PRKG1: variants seen among roughly 807,000 people sequenced by gnomAD.
PRKG1 encodes the protein protein kinase cGMP-dependent 1.
PRKG1 carries 35 observed loss-of-function variants against 88.1 expected under a neutral mutation model. The observed-to-expected ratio is 0.40, with a 90% confidence interval of 0.30 to 0.53. The LOEUF (loss-of-function observed/expected upper bound fraction) is 0.53, where lower values mean the gene tolerates loss of function less well. Ranked by LOEUF, PRKG1 falls within the 20% of genes least tolerant of loss-of-function variation. PRKG1 has a pLI of 0.59. For synonymous variants in PRKG1, 303 were observed against 292.5 expected (o/e 1.04, Z -0.37); for missense variants, 540 against 839.8 (o/e 0.64, Z 4.41).
chr10:51,193,333 A>G (rs1837678094), intron 2 of PRKG1, among the ~76,000 whole-genome samples: 2 of 152,042 alleles, frequency 1.3e-5, no homozygotes, highest in South Asian at 4.2e-4. Flanking sequence ...GTCCCACCCT[A>G]TATACACTGA....
Position 51,477,464 on chromosome 10 carries a change from A to G in PRKG1, c.592+9628A>G, listed in dbSNP as rs138615961. Among the ~76,000 whole-genome samples, 585 of 151,968 alleles carry G rather than the reference A, an allele frequency of 3.8e-3. 9 individuals are homozygous for G. The highest frequency in any genetic ancestry group is 0.013 in the African/African-American group (557 of 41,486). On this transcript the variant is annotated intron_variant, in intron 3 of 17. Coordinates refer to ENST00000373980, the MANE Select transcript of PRKG1 (RefSeq NM_006258.4). ...GTTCCGAGCATTTGTGTCCAGAAGC[A>G]TATTGCTTGGGTTCTCATCCTTTGC...
intron 9 of PRKG1, among the ~76,000 whole-genome samples, chr10:52,209,637 T>C (rs568728502): frequency 1.7e-4 from 26 of 152,316 alleles, no homozygotes; most frequent in African/African-American, 6.0e-4. Flanking sequence ...CATAATCTCA[T>C]GAGGCTCACA....
chr10:51,096,892 A>G (rs765456499), intron 1 of PRKG1, among the ~76,000 whole-genome samples: 3 of 152,194 alleles, frequency 2.0e-5, no homozygotes, highest in African/African-American at 4.8e-5. Flanking sequence ...AAGAGGGTAG[A>G]TGCCAGGGAT....
At chr10:51,886,897 C>A (rs1210449887) in intron 4 of PRKG1, among the ~76,000 whole-genome samples, 2 of 152,190 alleles carry the variant, frequency 1.3e-5, no homozygotes, top group African/African-American at 4.8e-5. Context: ...TGCAAGCTCA[C>A]ATCTCTCAGT....
At chr10:52,263,719 C>T (rs544309298) in intron 10 of PRKG1, among the ~76,000 whole-genome samples, 1 of 151,924 alleles carries the variant, frequency 6.6e-6, no homozygotes, top group African/African-American at 2.4e-5. Context: ...GGACTAGAGG[C>T]ATCCACCACC....
intron 3 of PRKG1, among the ~76,000 whole-genome samples, chr10:51,728,842 T>C (rs1266352181): frequency 6.6e-6 from 1 of 152,204 alleles, no homozygotes; most frequent in Non-Finnish European, 1.5e-5. Flanking sequence ...CAAGTCAACA[T>C]GCAGGCAAAG....
At chr10:51,514,525 A>G (rs1841520323) in intron 3 of PRKG1, among the ~76,000 whole-genome samples, 1 of 152,210 alleles carries the variant, frequency 6.6e-6, no homozygotes, top group South Asian at 2.1e-4. Context: ...GTTTATTCCA[A>G]ACTTAAAGGC....
intron 3 of PRKG1, among the ~76,000 whole-genome samples, chr10:51,493,159 C>T (rs556236260): frequency 3.9e-5 from 6 of 152,038 alleles, no homozygotes; most frequent in Non-Finnish European, 8.8e-5. Flanking sequence ...TTACCACTCC[C>T]CTTGAATATT....
rs73336239 is a variant in PRKG1 at position 51,471,421 on chromosome 10, G to A, written c.592+3585G>A. Among the ~76,000 whole-genome samples, 830 of 151,940 alleles carry A rather than the reference G, an allele frequency of 5.5e-3. 7 individuals carry two copies. Among genetic ancestry groups the A allele is most frequent in the African/African-American group, 0.019 (792 of 41,492 alleles). ...GGCAAGAATGTCTCACATGTTGTTT[G>A]AATACCCCTTACTTACTCAGTTCCC... On this transcript the variant is annotated intron_variant, in intron 3 of 17. Transcript: ENST00000373980.
At chr10:52,263,099 G>T (rs1040649914) in intron 10 of PRKG1, among the ~76,000 whole-genome samples, 1 of 151,968 alleles carries the variant, frequency 6.6e-6, no homozygotes, top group Non-Finnish European at 1.5e-5. Flanking sequence ...ATTTATTCAT[G>T]ATCCTAATTT....
At chr10:51,897,267 C>A (rs1841875014) in intron 4 of PRKG1, among the ~76,000 whole-genome samples, 1 of 152,042 alleles carries the variant, frequency 6.6e-6, no homozygotes, top group African/African-American at 2.4e-5. Context: ...TGCTTTTATT[C>A]TTTTATTCTG....
chr10:51,757,340 G>A (rs915475322), intron 3 of PRKG1, among the ~76,000 whole-genome samples: 1 of 152,124 alleles, frequency 6.6e-6, no homozygotes, highest in Non-Finnish European at 1.5e-5. Flanking sequence ...CTGACCTCAA[G>A]TGATCAGCCT....
intron 7 of PRKG1, among the ~76,000 whole-genome samples, chr10:52,110,500 GA>G (rs151098158): frequency 0.019 from 2,827 of 152,064 alleles, 57 homozygotes; most frequent in Middle Eastern, 0.061. Context: ...AGTACCCTCA[GA>G]AAAATATTGA....
At chr10:51,638,441 A>G (rs1262328811) in intron 3 of PRKG1, among the ~76,000 whole-genome samples, 1 of 152,210 alleles carries the variant, frequency 6.6e-6, no homozygotes, top group Admixed American at 6.5e-5. Context: ...ACAAGGAAAG[A>G]TATATTATAA....
intron 2 of PRKG1, among the ~76,000 whole-genome samples, chr10:51,218,507 A>G (rs1838431748): frequency 8.7e-6 from 1 of 115,400 alleles, no homozygotes; most frequent in South Asian, 2.8e-4. Context: ...ATATATATAT[A>G]TATATATATA....
intron 7 of PRKG1, among the ~76,000 whole-genome samples, chr10:52,132,696 A>G (rs1564483011): frequency 1.3e-5 from 2 of 152,116 alleles, no homozygotes; most frequent in African/African-American, 4.8e-5. Context: ...TATTTCAAAC[A>G]TATTAATTAT....
intron 4 of PRKG1, among the ~76,000 whole-genome samples, chr10:51,861,660 A>G (rs10823736): frequency 0.19 from 29,479 of 152,216 alleles, 3,481 homozygotes; most frequent in East Asian, 0.45. Flanking sequence ...AAGTAACAGA[A>G]CATATACTTC....
At chr10:51,272,677 A>T (rs1840012168) in intron 2 of PRKG1, among the ~76,000 whole-genome samples, 3 of 152,160 alleles carry the variant, frequency 2.0e-5, no homozygotes, top group Non-Finnish European at 2.9e-5. Context: ...CTGGGTGAAC[A>T]TCTGCAGCAG....
intron 3 of PRKG1, among the ~76,000 whole-genome samples, chr10:51,622,451 C>G (rs1839232458): frequency 6.6e-6 from 1 of 152,178 alleles, no homozygotes; most frequent in African/African-American, 2.4e-5. Flanking sequence ...ATTTGAAAGA[C>G]CACAGAAACT....
Sources: gnomAD v4.1 joint callset for allele counts (sites outside exome capture counted in the v4.1 genomes callset) on GRCh38, gnomAD v4.1.1 for gene constraint, MANE v1.5 for transcripts, NCBI Gene and HGNC (gene_info 2026-07-23, HGNC 2026-07-21) for gene names.